ANXA8: variants seen among roughly 807,000 people sequenced by gnomAD.
The protein encoded by ANXA8 is annexin A8.
Under a neutral mutation model 26.8 loss-of-function variants are expected in ANXA8, and 9 were observed. The ratio of observed to expected loss-of-function variants is 0.34; its 90% CI spans 0.20 to 0.59. The LOEUF is 0.59. Among genes scored for constraint, ANXA8 ranks in the 20% least tolerant of loss-of-function variants. The pLI is 0.84. For synonymous variants in ANXA8, 39 were observed against 94.8 expected, an observed-to-expected ratio of 0.41 and a Z score of 3.42; for missense variants, 83 against 238.5, an observed-to-expected ratio of 0.35 and a Z score of 4.29.
the ANXA8 span, among the ~76,000 whole-genome samples, chr10:47,966,429 G>T: frequency 1.3e-5 from 2 of 151,046 alleles, no homozygotes; most frequent in Middle Eastern, 3.4e-3. Flanking sequence ...CTGGAGAAGG[G>T]TGGGGAATCT....
the ANXA8 span, among the ~76,000 whole-genome samples, chr10:47,688,022 C>G: frequency 6.6e-6 from 1 of 151,658 alleles, no homozygotes; most frequent in Admixed American, 6.6e-5. Context: ...ATTGCTTGAA[C>G]CTGGGAGACA....
At chr10:47,705,952 A>C in the ANXA8 span, among the ~76,000 whole-genome samples, 1 of 150,458 alleles carries the variant, frequency 6.6e-6, no homozygotes, top group Admixed American at 6.6e-5. Context: ...GCGGCGGGCC[A>C]CGGCGCGAAG....
At chr10:47,938,058 G>A in the ANXA8 span, among the ~76,000 whole-genome samples, 1 of 55,778 alleles carries the variant, frequency 1.8e-5, no homozygotes, top group Non-Finnish European at 3.7e-5. Context: ...GGGATTTCTG[G>A]GTTGAATGGT....
At chr10:47,896,389 G>GTAATTAGAGATTACATAATT in the ANXA8 span, among the ~76,000 whole-genome samples, 5 of 151,416 alleles carry the variant, frequency 3.3e-5, no homozygotes, top group South Asian at 2.1e-4. Flanking sequence ...TGTAACTTCT[G>GTAATTAGAGATTACATAATT]AGCACATGCA....
chr10:47,704,630 C>A, the ANXA8 span, among the ~76,000 whole-genome samples: 1 of 151,364 alleles, frequency 6.6e-6, no homozygotes, highest in Admixed American at 6.6e-5. Context: ...GTTTACATAC[C>A]TTTTCCCTCT....
At chr10:47,646,910 C>A in the ANXA8 span, among the ~76,000 whole-genome samples, 10 of 152,228 alleles carry the variant, frequency 6.6e-5, no homozygotes, top group African/African-American at 9.6e-5. Flanking sequence ...TGCCACCTAG[C>A]GGTGATTTAG....
chr10:47,683,814 AT>A, the ANXA8 span, among the ~76,000 whole-genome samples: 1 of 150,782 alleles, frequency 6.6e-6, no homozygotes, highest in African/African-American at 2.4e-5. Flanking sequence ...CAACTTTATG[AT>A]TTTTTTGGTG....
chr10:47,683,290 G>A, the ANXA8 span, among the ~76,000 whole-genome samples: 100 of 145,904 alleles, frequency 6.9e-4, no homozygotes, highest in Non-Finnish European at 1.3e-3. Context: ...GTGCAGTGGC[G>A]CAATCTTGGC....
the ANXA8 span, among the ~76,000 whole-genome samples, chr10:47,954,582 A>G: frequency 2.6e-5 from 4 of 151,390 alleles, no homozygotes; most frequent in Non-Finnish European, 4.4e-5. Flanking sequence ...GAAATGATAA[A>G]TGCTTGAGGT....
chr10:47,714,345 A>G, the ANXA8 span, among the ~76,000 whole-genome samples: 1 of 148,664 alleles, frequency 6.7e-6, no homozygotes, highest in Admixed American at 6.7e-5. Flanking sequence ...AAAAAAAAAA[A>G]AAATCTTTAG....
chr10:47,498,198 T>A, the ANXA8 span, among the ~76,000 whole-genome samples: 1 of 150,254 alleles, frequency 6.7e-6, no homozygotes, highest in African/African-American at 2.4e-5. Flanking sequence ...ACCTTCTGTT[T>A]CTATTAGTTT....
At chr10:47,684,147 C>G in the ANXA8 span, among the ~76,000 whole-genome samples, 3 of 152,124 alleles carry the variant, frequency 2.0e-5, no homozygotes, top group Admixed American at 6.5e-5. Flanking sequence ...CAAGTTTCAT[C>G]TGGTATCTTA....
chr10:47,599,102 A>G, the ANXA8 span, among the ~76,000 whole-genome samples: 72 of 147,590 alleles, frequency 4.9e-4, 4 homozygotes, highest in African/African-American at 1.9e-3. Context: ...ATAATAATAT[A>G]TAGTTAATAA....
chr10:47,546,397 T>C, the ANXA8 span, among the ~76,000 whole-genome samples: 60 of 4,712 alleles, frequency 0.013, no homozygotes, highest in African/African-American at 0.05. Flanking sequence ...ATAAGACCAA[T>C]TTTTTTTTTT....
At chr10:47,631,320 G>A in the ANXA8 span, among the ~76,000 whole-genome samples, 1 of 151,892 alleles carries the variant, frequency 6.6e-6, no homozygotes, top group Non-Finnish European at 1.5e-5. Flanking sequence ...TTCCTGCAAA[G>A]TGTTAGTATA....
chr10:47,699,369 A>G, the ANXA8 span, among the ~76,000 whole-genome samples: 3 of 143,616 alleles, frequency 2.1e-5, no homozygotes, highest in East Asian at 6.2e-4. Flanking sequence ...AAAAAAAAAG[A>G]AAGAAGAGGC....
the ANXA8 span, among the ~76,000 whole-genome samples, chr10:47,599,987 T>A: frequency 6.7e-6 from 1 of 149,782 alleles, no homozygotes; most frequent in Non-Finnish European, 1.5e-5. Flanking sequence ...ATAATTTGAA[T>A]GATTTTCTAA....
chr10:47,521,826 C>G, the ANXA8 span, among the ~76,000 whole-genome samples: 1,483 of 142,176 alleles, frequency 0.01, no homozygotes, highest in East Asian at 0.073. Flanking sequence ...TGTCACCCAG[C>G]CTGGAGTGCA....
At chr10:47,554,921 C>A in the ANXA8 span, among the ~76,000 whole-genome samples, 2 of 151,582 alleles carry the variant, frequency 1.3e-5, no homozygotes. Context: ...TTCTAACATC[C>A]TTTTGGTCTC....
Sources: allele counts gnomAD v4.1 joint callset (sites outside exome capture counted in the v4.1 genomes callset), GRCh38; gene constraint gnomAD v4.1.1; transcripts MANE v1.5; gene names NCBI Gene and HGNC (gene_info 2026-07-23, HGNC 2026-07-21).